Variants in CDH18 observed in about 807,000 individuals in gnomAD.
The protein encoded by CDH18 is cadherin 18, also known as cadherin-18.
CDH18 carries 31 observed loss-of-function variants against 67.9 expected under a neutral mutation model. That is an observed-to-expected ratio of 0.46 (90% CI 0.34 to 0.62). The LOEUF is 0.62. Ranked by LOEUF, CDH18 falls within the 20% of genes least tolerant of loss-of-function variation. CDH18 has a pLI of 0.01. For synonymous variants in CDH18, 362 were observed against 347.2 expected (o/e 1.04, Z -0.48); for missense variants, 890 against 975.5 (o/e 0.91, Z 1.17).
intron 5 of CDH18, among the ~76,000 whole-genome samples, chr5:19,666,434 G>T (rs1422705363): frequency 6.6e-6 from 1 of 151,628 alleles, no homozygotes; most frequent in Non-Finnish European, 1.5e-5. Context: ...ATAATCCATT[G>T]TAAAAGATAA....
intron 2 of CDH18, among the ~76,000 whole-genome samples, chr5:19,889,207 A>G (rs1217317942): frequency 6.6e-6 from 1 of 152,110 alleles, no homozygotes; most frequent in East Asian, 1.9e-4. Flanking sequence ...ATGTATAGAT[A>G]GTTGAATCCA....
intron 1 of CDH18, among the ~76,000 whole-genome samples, chr5:20,559,147 G>A (rs1703048): frequency 0.72 from 109,078 of 151,152 alleles, 39,663 homozygotes; most frequent in East Asian, 0.98. Context: ...GCCAATGTAA[G>A]TTTAAGAAAA....
In CDH18 at chr5:19,696,298, G is replaced by A. The variant is rs544213617; in HGVS notation, c.643+25049C>T. On this transcript the variant is annotated intron_variant, in intron 5 of 12. Transcript: ENST00000382275. ...AGACAGAGTCTTGCTCTGCTGCCCA[G>A]GCTGGAGTGCAGTGGCTTGATCTCT... 1.5e-4 allele frequency among the ~76,000 whole-genome samples: 23 copies of A among 151,300 alleles called. No homozygotes were observed. The East Asian group carries it at 4.6e-3, about 30-fold the overall frequency.
chr5:20,301,802 T>C (rs1735955291), intron 1 of CDH18, among the ~76,000 whole-genome samples: 1 of 144,918 alleles, frequency 6.9e-6, no homozygotes, highest in African/African-American at 2.7e-5. Context: ...TTTTTTTTTT[T>C]TTTTTGGCAT....
chr5:20,120,883 T>C (rs1479706122), intron 2 of CDH18, among the ~76,000 whole-genome samples: 1 of 152,170 alleles, frequency 6.6e-6, no homozygotes, highest in East Asian at 1.9e-4. Context: ...ATCTGCTATA[T>C]TGATTATTCT....
chr5:20,347,072 A>G (rs544983894), intron 1 of CDH18, among the ~76,000 whole-genome samples: 7 of 152,152 alleles, frequency 4.6e-5, no homozygotes, highest in African/African-American at 7.2e-5. Context: ...AAGGGGTGCT[A>G]AGACCCATTT....
At chr5:20,455,692 A>G (rs1326105555) in intron 1 of CDH18, among the ~76,000 whole-genome samples, 1 of 152,108 alleles carries the variant, frequency 6.6e-6, no homozygotes, top group Non-Finnish European at 1.5e-5. Flanking sequence ...TAGATTTTAT[A>G]CAAATATAAC....
intron 2 of CDH18, among the ~76,000 whole-genome samples, chr5:20,083,725 G>A (rs939448580): frequency 1.3e-5 from 2 of 152,208 alleles, no homozygotes; most frequent in Admixed American, 1.3e-4. Flanking sequence ...GACAATCATG[G>A]TGGAAGGCAA....
intron 2 of CDH18, among the ~76,000 whole-genome samples, chr5:20,238,513 T>C (rs936312993): frequency 6.6e-6 from 1 of 152,154 alleles, no homozygotes; most frequent in African/African-American, 2.4e-5. Context: ...GAGATACTTT[T>C]ACAACTGTTA....
intron 5 of CDH18, among the ~76,000 whole-genome samples, chr5:19,674,616 G>A (rs1233474647): frequency 1.3e-5 from 2 of 151,822 alleles, no homozygotes; most frequent in Non-Finnish European, 2.9e-5. Flanking sequence ...GCATAAAAAG[G>A]GTATAAGATG....
intron 2 of CDH18, among the ~76,000 whole-genome samples, chr5:20,056,475 TTTG>T (rs1741964043): frequency 2.2e-5 from 3 of 138,620 alleles, no homozygotes; most frequent in Admixed American, 7.4e-5. Flanking sequence ...TTTTCTTTCT[TTTG>T]TTTTTTTTTT....
chr5:19,674,961 C>T (rs982399453), intron 5 of CDH18, among the ~76,000 whole-genome samples: 27 of 152,060 alleles, frequency 1.8e-4, no homozygotes, highest in Non-Finnish European at 3.4e-4. Context: ...CATGTGGGTC[C>T]TTTTCTATTT....
chr5:20,192,336 G>T (rs1249095536), intron 2 of CDH18, among the ~76,000 whole-genome samples: 1 of 151,798 alleles, frequency 6.6e-6, no homozygotes, highest in Admixed American at 6.6e-5. Context: ...ATTTTGCTGT[G>T]CAGAAGCTCT....
chr5:19,967,737 C>G (rs1797598901), intron 2 of CDH18, among the ~76,000 whole-genome samples: 1 of 152,066 alleles, frequency 6.6e-6, no homozygotes, highest in Admixed American at 6.6e-5. Context: ...CAATATCATA[C>G]TGAATGGGCA....
chr5:20,170,565 A>T (rs1242109527), intron 2 of CDH18, among the ~76,000 whole-genome samples: 1 of 152,106 alleles, frequency 6.6e-6, no homozygotes, highest in Non-Finnish European at 1.5e-5. Flanking sequence ...GGATAATAAT[A>T]TAAAACATGC....
intron 1 of CDH18, among the ~76,000 whole-genome samples, chr5:20,417,055 A>G (rs959666445): frequency 1.4e-4 from 22 of 152,168 alleles, no homozygotes; most frequent in Admixed American, 1.4e-3. Context: ...TCATAAGTGT[A>G]TGGATAACAA....
chr5:20,541,186 G>A (rs1395606146), intron 1 of CDH18, among the ~76,000 whole-genome samples: 1 of 152,166 alleles, frequency 6.6e-6, no homozygotes, highest in Non-Finnish European at 1.5e-5. Flanking sequence ...TAGTATGAAA[G>A]TAATAAAATT....
chr5:20,508,428 G>T (rs1653091214), intron 1 of CDH18, among the ~76,000 whole-genome samples: 2 of 147,660 alleles, frequency 1.4e-5, no homozygotes, highest in Admixed American at 1.4e-4. Context: ...CCTTTGAGAA[G>T]TCCTGCAGTA....
intron 1 of CDH18, among the ~76,000 whole-genome samples, chr5:20,309,935 T>C (rs1014596401): frequency 6.6e-6 from 1 of 152,190 alleles, no homozygotes; most frequent in African/African-American, 2.4e-5. Flanking sequence ...TTTCACTGAA[T>C]TCTAGTATTT....
Sources: allele counts gnomAD v4.1 joint callset (sites outside exome capture counted in the v4.1 genomes callset), GRCh38; gene constraint gnomAD v4.1.1; transcripts MANE v1.5; gene names NCBI Gene and HGNC (gene_info 2026-07-23, HGNC 2026-07-21).